SLC24A3: variants seen among roughly 807,000 people sequenced by gnomAD.
SLC24A3 encodes the protein solute carrier family 24 member 3, also known as sodium/potassium/calcium exchanger 3.
Under a neutral mutation model 75.8 loss-of-function variants are expected in SLC24A3, and 28 were observed. The ratio of observed to expected loss-of-function variants is 0.37; its 90% CI spans 0.27 to 0.51. The LOEUF is 0.51. Among genes scored for constraint, SLC24A3 ranks in the 20% least tolerant of loss-of-function variants. The pLI is 0.94. For missense variants in SLC24A3, 663 were observed against 847.8 expected (o/e 0.78, Z 2.71); for synonymous variants, 372 against 334.1 (o/e 1.11, Z -1.24).
intron 2 of SLC24A3, among the ~76,000 whole-genome samples, chr20:19,482,868 C>G (rs1988078594): frequency 6.6e-6 from 1 of 152,232 alleles, no homozygotes; most frequent in Admixed American, 6.5e-5. Context: ...ATAGGAGGCT[C>G]TGCACCTGTG....
rs190808608 is a variant in SLC24A3, at chr20:19,387,551, A to T, written c.271+106464A>T. The stretch of plus-strand genomic sequence containing the variant: ...CTTCATTTGTCTCAAGATATTTTTT[A>T]ATTTTCTTTTTGATTTCTTCTTTGA... On this transcript the variant is annotated intron_variant, in intron 2 of 16. Coordinates refer to ENST00000328041, the MANE Select transcript of SLC24A3 (RefSeq NM_020689.4). Among the ~76,000 whole-genome samples the T allele has an allele frequency of 3.9e-3, 592 of 152,134 alleles. 4 individuals are homozygous for T. Among genetic ancestry groups the T allele is most frequent in the African/African-American group, 0.013 (560 of 41,516 alleles).
chr20:19,606,693 GGAA>G (rs1555802495), intron 6 of SLC24A3, among the ~76,000 whole-genome samples: 2 of 152,160 alleles, frequency 1.3e-5, no homozygotes, highest in Non-Finnish European at 2.9e-5. Context: ...GAATGCAGAG[GGAA>G]GAAGGCCAGG....
chr20:19,677,276 A>G (rs570900612), intron 9 of SLC24A3, among the ~76,000 whole-genome samples: 1 of 149,896 alleles, frequency 6.7e-6, no homozygotes, highest in East Asian at 2.0e-4. Flanking sequence ...CCTCAGCAAC[A>G]TAGCAAGACC....
rs560779721 is a variant in SLC24A3, at chr20:19,637,967, A to T, written c.613-16095A>T. Among the ~76,000 whole-genome samples, 312 of 152,114 alleles carry T rather than the reference A, an allele frequency of 2.1e-3. 2 individuals are homozygous for T. Among genetic ancestry groups the T allele is most frequent in the African/African-American group, 7.1e-3 (295 of 41,516 alleles). ...CTAAACCTTCATTTTTCTTTTTTTT[A>T]AATTTTATTTACATGTGCAGAACGT... On this transcript the variant is annotated intron_variant, in intron 6 of 16. Coordinates refer to ENST00000328041, the MANE Select transcript of SLC24A3 (RefSeq NM_020689.4).
At chr20:19,303,828 A>T (rs2063307874) in intron 2 of SLC24A3, among the ~76,000 whole-genome samples, 1 of 152,158 alleles carries the variant, frequency 6.6e-6, no homozygotes, top group Admixed American at 6.5e-5. Context: ...CCTATCTCCC[A>T]TTTTTGTGGT....
Position 19,577,180 on chromosome 20 carries a change from G to C in SLC24A3, c.349-2820G>C, listed in dbSNP as rs2031149317. Reference sequence around the variant, plus strand: ...TGCCATTCTCCTGCCTCAGCCTCCTGAGTAGCCGGGAGTACAGGAGCCCAC... The same window carrying C: ...TGCCATTCTCCTGCCTCAGCCTCCTCAGTAGCCGGGAGTACAGGAGCCCAC... On this transcript the variant is annotated intron_variant, in intron 3 of 16. Coordinates refer to ENST00000328041, the MANE Select transcript of SLC24A3 (RefSeq NM_020689.4). Among the ~76,000 whole-genome samples, 3 of 151,886 alleles carry C rather than the reference G, an allele frequency of 2.0e-5. No individual in the cohort carries two copies. In the South Asian group the frequency reaches 6.2e-4, roughly 32 times the overall value.
At chr20:19,671,538 G>C (rs1276542553) in intron 8 of SLC24A3, among the ~76,000 whole-genome samples, 1 of 152,206 alleles carries the variant, frequency 6.6e-6, no homozygotes, top group Non-Finnish European at 1.5e-5. Context: ...ATGGATATGG[G>C]AGTGAGGAAA....
chr20:19,312,968 C>T (rs1238029382), intron 2 of SLC24A3, among the ~76,000 whole-genome samples: 1 of 143,954 alleles, frequency 6.9e-6, no homozygotes, highest in Non-Finnish European at 1.5e-5. Flanking sequence ...TCAGGACCAA[C>T]AAGATGAGGG....
intron 2 of SLC24A3, among the ~76,000 whole-genome samples, chr20:19,457,728 G>A (rs1207138946): frequency 2.0e-5 from 3 of 152,176 alleles, no homozygotes; most frequent in African/African-American, 4.8e-5. Flanking sequence ...TCCATTTGAG[G>A]ACTCACATTC....
intron 1 of SLC24A3, among the ~76,000 whole-genome samples, chr20:19,244,713 A>G (rs1417809826): frequency 6.6e-6 from 1 of 152,216 alleles, no homozygotes; most frequent in Admixed American, 6.5e-5. Flanking sequence ...AGCCTTTTCT[A>G]AAGGTCATTG....
rs567902787 is a variant in SLC24A3, at chr20:19,519,170, T to A, written c.348+3606T>A. Among the ~76,000 whole-genome samples, 5 of 152,328 alleles carry A rather than the reference T, an allele frequency of 3.3e-5. No individual in the cohort carries two copies. The East Asian group carries it at 9.7e-4, about 29-fold the overall frequency. Reference sequence around the variant, plus strand: ...TCACACTTAGCATTGGCACCTACACTCAACCTGCCCCTTTCCATTTGGGCC... The same window carrying A: ...TCACACTTAGCATTGGCACCTACACACAACCTGCCCCTTTCCATTTGGGCC... On this transcript the variant is annotated intron_variant, in intron 3 of 16. Coordinates refer to ENST00000328041, the MANE Select transcript of SLC24A3 (RefSeq NM_020689.4).
At chr20:19,534,075 A>G (rs549942671) in intron 3 of SLC24A3, among the ~76,000 whole-genome samples, 3 of 152,220 alleles carry the variant, frequency 2.0e-5, no homozygotes, top group Non-Finnish European at 4.4e-5. Flanking sequence ...TTTGAATAGC[A>G]CTTGTGATAA....
At chr20:19,634,767 C>T (rs560012938) in intron 6 of SLC24A3, among the ~76,000 whole-genome samples, 8 of 151,416 alleles carry the variant, frequency 5.3e-5, no homozygotes, top group Non-Finnish European at 7.4e-5. Flanking sequence ...GACTGGAAGC[C>T]GGGGGGGACA....
intron 2 of SLC24A3, among the ~76,000 whole-genome samples, chr20:19,368,365 C>T (rs77023773): frequency 0.012 from 1,872 of 152,334 alleles, 24 homozygotes; most frequent in Non-Finnish European, 0.022. Context: ...CCCTGGGACC[C>T]TCGTGCCCCT....
intron 2 of SLC24A3, among the ~76,000 whole-genome samples, chr20:19,294,928 C>T (rs1984026263): frequency 2.0e-5 from 3 of 152,186 alleles, no homozygotes; most frequent in African/African-American, 7.2e-5. Flanking sequence ...TTCTATTTCT[C>T]CACAGCCTTA....
intron 2 of SLC24A3, among the ~76,000 whole-genome samples, chr20:19,507,539 G>T (rs894354569): frequency 3.3e-5 from 5 of 152,346 alleles, no homozygotes; most frequent in African/African-American, 7.2e-5. Flanking sequence ...ATTGCATCCT[G>T]ATGTACCTTT....
intron 6 of SLC24A3, among the ~76,000 whole-genome samples, chr20:19,639,900 G>A (rs1033354423): frequency 2.0e-5 from 3 of 152,268 alleles, no homozygotes; most frequent in Non-Finnish European, 4.4e-5. Flanking sequence ...TACCTGGGCC[G>A]GCAGGGCCGG....
intron 3 of SLC24A3, among the ~76,000 whole-genome samples, chr20:19,551,397 T>C (rs370031542): frequency 1.2e-4 from 18 of 152,176 alleles, no homozygotes; most frequent in African/African-American, 4.3e-4. Flanking sequence ...AATCAAGAAA[T>C]GGAGAAGCAG....
chr20:19,412,433 G>A (rs867312190), intron 2 of SLC24A3, among the ~76,000 whole-genome samples: 12 of 152,086 alleles, frequency 7.9e-5, no homozygotes, highest in African/African-American at 2.4e-4. Flanking sequence ...GAAGGAGGAA[G>A]AAGAGACAGG....
Sources: allele counts gnomAD v4.1 joint callset (sites outside exome capture counted in the v4.1 genomes callset), GRCh38; gene constraint gnomAD v4.1.1; transcripts MANE v1.5; gene names NCBI Gene and HGNC (gene_info 2026-07-23, HGNC 2026-07-21).